Variants in CYLC2 observed in about 807,000 individuals in gnomAD.
CYLC2 encodes cylicin-2.
Under a neutral mutation model 26.1 loss-of-function variants are expected in CYLC2, and 30 were observed. The observed-to-expected ratio is 1.15, with a 90% CI of 0.86 to 1.56. The LOEUF (loss-of-function observed/expected upper bound fraction) is 1.56, where lower values mean the gene tolerates loss of function less well. Ranked by LOEUF, CYLC2 falls within the 40% of genes most tolerant of loss-of-function variation. The pLI is 0.00. For synonymous variants in CYLC2, 158 were observed against 132.8 expected (o/e 1.19, Z -1.31); for missense variants, 498 against 394.4 (o/e 1.26, Z -2.23).
intron 3 of CYLC2, 29 bp downstream of exon 3, chr9:103,003,292 C>A: frequency 6.4e-7 from 1 of 1,571,298 alleles, no homozygotes; most frequent in Non-Finnish European, 8.7e-7. Flanking sequence ...TTATAATTAT[C>A]AGTAATAAGT....
chr9:103,015,153 G>A (rs182683208), intron 6 of CYLC2, among the ~76,000 whole-genome samples: 22 of 3,356 alleles, frequency 6.6e-3, no homozygotes, highest in African/African-American at 0.017. Flanking sequence ...TATATCACGT[G>A]ATATACATAA....
At chr9:103,011,198 A>G (rs1053105748) in intron 5 of CYLC2, among the ~76,000 whole-genome samples, 1 of 152,020 alleles carries the variant, frequency 6.6e-6, no homozygotes, top group Non-Finnish European at 1.5e-5. Flanking sequence ...TTATTATTTC[A>G]TTTATTATTT....
chr9:103,003,775 T>C (rs1414968332), intron 3 of CYLC2, among the ~76,000 whole-genome samples: 2 of 152,104 alleles, frequency 1.3e-5, no homozygotes, highest in African/African-American at 4.8e-5. Context: ...TCAGGAAATG[T>C]TCTACAGCTG....
At chr9:103,017,066 C>G (rs1829514920) in intron 7 of CYLC2, 105 bp downstream of exon 7, 1 of 150,484 alleles carries the variant, frequency 6.6e-6, no homozygotes. Flanking sequence ...TTGTTTTCAT[C>G]TGCTGTCCCA....
At position 103,012,727 on chromosome 9, in the gene CYLC2, T is replaced by A. The variant is rs1564100102; in HGVS notation, c.*816+630T>A. Among the ~76,000 whole-genome samples the A allele has an allele frequency of 2.0e-5, 3 of 151,974 alleles. No individual in the cohort carries two copies. In the South Asian group the frequency reaches 6.2e-4, roughly 31 times the overall value. ...TATAAACAGAAACGTACTCCAGGTG[T>A]TAAATATGTTCAATAATCAATTTTA... On this transcript the variant is annotated intron_variant, in intron 6 of 7. Coordinates refer to ENST00000374798, the MANE Select transcript of CYLC2 (RefSeq NM_001340.5).
chr9:103,005,351 T>C lies in CYLC2; in HGVS notation c.720T>C (p.Asp240=), dbSNP rs757851269. The change falls in exon 5 of 8, where the codon GAT becomes GAC. Residue 240 remains aspartate (D), a synonymous_variant. Transcript: ENST00000374798. ...SAIELQAVKA[D]EKKDEDGKKD... ...TAGAATTACAAGCTGTAAAAGCAGATGAAAAGAAGGATGAGGATGGAAAAA... is the reference window on the plus strand; with the variant it reads ...TAGAATTACAAGCTGTAAAAGCAGACGAAAAGAAGGATGAGGATGGAAAAA... 1.4e-5 allele frequency: 22 copies of C among 1,613,312 alleles called. No homozygotes were observed. The East Asian group carries it at 4.5e-4, about 33-fold the overall frequency.
chr9:102,995,578 T>C (rs1829228999), intron 1 of CYLC2, among the ~76,000 whole-genome samples, 181 bp downstream of exon 1: 1 of 151,976 alleles, frequency 6.6e-6, no homozygotes, highest in Admixed American at 6.6e-5. Context: ...AAGACATAGC[T>C]AGTGCATGCA....
At chr9:103,015,990 G>T (rs545254492) in intron 6 of CYLC2, among the ~76,000 whole-genome samples, 19 of 150,164 alleles carry the variant, frequency 1.3e-4, no homozygotes, top group Admixed American at 3.3e-4. Flanking sequence ...ACATACATAT[G>T]TATGTGTATA....
chr9:103,015,150 CGTG>C (rs1444422457), intron 6 of CYLC2, among the ~76,000 whole-genome samples: 5 of 3,794 alleles, frequency 1.3e-3, no homozygotes, highest in Non-Finnish European at 2.2e-3. Context: ...ATGTATATCA[CGTG>C]ATATACATAA....
chr9:103,003,465 G>T (rs189253776), intron 3 of CYLC2, among the ~76,000 whole-genome samples: 15 of 152,058 alleles, frequency 9.9e-5, no homozygotes, highest in Admixed American at 9.8e-4. Context: ...GTAGTCCAAT[G>T]AGGCTATTAA....
intron 6 of CYLC2, among the ~76,000 whole-genome samples, chr9:103,013,948 A>C (rs1829453560): frequency 8.7e-6 from 1 of 115,152 alleles, no homozygotes; most frequent in Non-Finnish European, 1.6e-5. Flanking sequence ...TTAATATAAT[A>C]CTATATATTA....
rs1829305630 is a variant in CYLC2, at chr9:103,003,216, A to T, written c.133A>T (p.Thr45Ser). The change falls in exon 3 of 8, where the codon ACC becomes TCC. Residue 45 changes from threonine (T) to serine (S), a missense_variant. Thr to Ser is a moderately conservative substitution (Grantham distance 58). Coordinates refer to ENST00000374798, the MANE Select transcript of CYLC2 (RefSeq NM_001340.5). ...LLFPKPQRPG[T>S]KRRSKPSQIR... is the part of the protein sequence containing the mutation. ...ATTTCCCAAACCACAACGGCCAGGAACCAAAAGGAGATCAAAACCTTCTCA... is the reference window on the plus strand; with the variant it reads ...ATTTCCCAAACCACAACGGCCAGGATCCAAAAGGAGATCAAAACCTTCTCA... The T allele has an allele frequency of 1.2e-6, 2 of 1,613,902 alleles. No individual in the cohort carries two copies. Among genetic ancestry groups the T allele is most frequent in the Non-Finnish European group, 1.7e-6 (2 of 1,179,892 alleles).
At chr9:103,010,894 A>G (rs919510926) in intron 5 of CYLC2, 2 of 152,086 alleles carry the variant, frequency 1.3e-5, no homozygotes, top group Non-Finnish European at 2.9e-5. Flanking sequence ...AAAAATATGC[A>G]TAGAATCCTA....
At chr9:103,013,848 T>C (rs1489818064) in intron 6 of CYLC2, among the ~76,000 whole-genome samples, 3 of 92,472 alleles carry the variant, frequency 3.2e-5, no homozygotes, top group South Asian at 3.0e-4. Context: ...ATAAAGATAA[T>C]ACAATGTATT....
intron 6 of CYLC2, among the ~76,000 whole-genome samples, chr9:103,013,593 A>T (rs1829443358): frequency 8.9e-6 from 1 of 112,016 alleles, no homozygotes; most frequent in Non-Finnish European, 1.6e-5. Flanking sequence ...CAATATATAA[A>T]TATATTTATA....
At chr9:103,016,530 A>G (rs1040398602) in intron 6 of CYLC2, among the ~76,000 whole-genome samples, 17 of 152,076 alleles carry the variant, frequency 1.1e-4, no homozygotes, top group Admixed American at 1.1e-3. Flanking sequence ...TCTGCTATTT[A>G]CTACTACTAG....
rs1211821565 is a variant in CYLC2, at chr9:103,011,945, CTCT to C, written c.*701-35_*701-33del. The C allele has an allele frequency of 3.6e-3, 384 of 105,314 alleles. 5 individuals carry two copies. Among genetic ancestry groups the C allele is most frequent in the African/African-American group, 0.013 (357 of 26,596 alleles). 6.5% of individuals were successfully genotyped at this position (105,314 alleles called of 1,614,324 possible). A position where few individuals can be genotyped will look rare whatever the true frequency, so the allele number is the denominator to read the frequency against. ...ATAACTTGCTAATACTTAGATCATT[CTCT>C]TTTTTTTTTTTTTTTTTTTTTTTTT... On this transcript the variant is annotated intron_variant, in intron 5 of 7. Transcript: ENST00000374798.
rs117381563 is a variant in CYLC2 at position 103,017,194 on chromosome 9, G to T, written c.*890+233G>T. 2.8e-3 allele frequency among the ~76,000 whole-genome samples: 423 copies of T among 151,948 alleles called. 7 individuals are homozygous for T. The East Asian group carries it at 0.04, about 14-fold the overall frequency. On this transcript the variant is annotated intron_variant, in intron 7 of 7. Transcript: ENST00000374798. ...AAAGAGGAGAATGGGATTTCAAAAG[G>T]GGATTTAAGGTGGGTGGCATTTGAG...
chr9:103,015,940 T>C (rs1400408476), intron 6 of CYLC2, among the ~76,000 whole-genome samples: 2 of 150,058 alleles, frequency 1.3e-5, no homozygotes, highest in Non-Finnish European at 3.0e-5. Flanking sequence ...GGAAATTATA[T>C]ATATATCTAA....
Sources: gnomAD v4.1 joint callset for allele counts (sites outside exome capture counted in the v4.1 genomes callset) on GRCh38, gnomAD v4.1.1 for gene constraint, MANE v1.5 for transcripts, NCBI Gene and HGNC (gene_info 2026-07-23, HGNC 2026-07-21) for gene names.